ITGA9: variants seen among roughly 807,000 people sequenced by gnomAD.
ITGA9 encodes integrin alpha-9.
A neutral mutation model predicts 127.8 loss-of-function variants in ITGA9; 56 were observed. That is an observed-to-expected ratio of 0.44 (90% confidence interval 0.35 to 0.55). The LOEUF (loss-of-function observed/expected upper bound fraction) is 0.55. Ranked by LOEUF, ITGA9 falls within the 20% of genes least tolerant of loss-of-function variation. The pLI, the probability that ITGA9 is intolerant of heterozygous loss-of-function variation, is 0.00. For missense variants in ITGA9, 1,196 were observed against 1,347.1 expected, an observed-to-expected ratio of 0.89 and a Z score of 1.76; for synonymous variants, 508 against 514.5, an observed-to-expected ratio of 0.99 and a Z score of 0.17.
At position 37,753,059 on chromosome 3, in the gene ITGA9, C is replaced by T. The variant is rs181714975; in HGVS notation, c.2541+2490C>T. Among the ~76,000 whole-genome samples the T allele has an allele frequency of 2.7e-4, 41 of 152,296 alleles. 1 individual carries two copies. Among genetic ancestry groups the T allele is most frequent in the Middle Eastern group, 6.8e-3 (2 of 294 alleles). On this transcript the variant is annotated intron_variant, in intron 23 of 27. Transcript: ENST00000264741. ...GGGGGTTGTGTGGACCCTACTCTGACTTCCCACAGCACAGAAAAAAAAGGA... is the reference window on the plus strand; with the variant it reads ...GGGGGTTGTGTGGACCCTACTCTGATTTCCCACAGCACAGAAAAAAAAGGA...
chr3:37,640,218 G>T (rs951835680), intron 16 of ITGA9, among the ~76,000 whole-genome samples: 1 of 152,180 alleles, frequency 6.6e-6, no homozygotes, highest in Non-Finnish European at 1.5e-5. Context: ...GAGGAGCCTG[G>T]ATTTTCCAGG....
At chr3:37,717,040 C>T (rs1289623637) in intron 18 of ITGA9, among the ~76,000 whole-genome samples, 1 of 152,198 alleles carries the variant, frequency 6.6e-6, no homozygotes, top group Non-Finnish European at 1.5e-5. Flanking sequence ...AAGAGACAGC[C>T]TGTGTGCTCC....
chr3:37,673,743 C>T (rs1700658030), intron 17 of ITGA9, among the ~76,000 whole-genome samples: 1 of 152,220 alleles, frequency 6.6e-6, no homozygotes, highest in African/African-American at 2.4e-5. Flanking sequence ...TGGACTCTGA[C>T]TAATACATAG....
chr3:37,517,976 T>C (rs146311070), intron 10 of ITGA9, among the ~76,000 whole-genome samples: 1 of 152,326 alleles, frequency 6.6e-6, no homozygotes, highest in East Asian at 1.9e-4. Flanking sequence ...TTCTGAGCCT[T>C]TGATGCTCCA....
At chr3:37,542,363 G>A in intron 14 of ITGA9, 62 bp from the exon 15 acceptor site, 2 of 1,555,958 alleles carry the variant, frequency 1.3e-6, no homozygotes, top group Non-Finnish European at 1.8e-6. Flanking sequence ...ACAAGGAAAA[G>A]AGGTGGCCTC....
chr3:37,654,178 G>A (rs964358246), intron 17 of ITGA9, among the ~76,000 whole-genome samples: 33 of 140,566 alleles, frequency 2.3e-4, no homozygotes, highest in African/African-American at 8.7e-4. Context: ...AAAGGTTTAT[G>A]CCCTCCTGCC....
intron 15 of ITGA9, among the ~76,000 whole-genome samples, chr3:37,616,910 C>G (rs2125629082): frequency 6.6e-6 from 1 of 152,332 alleles, no homozygotes. Context: ...GGTCTTGACT[C>G]TTTATCCAAT....
At chr3:37,548,460 CTCAA>C (rs1180176224) in intron 15 of ITGA9, among the ~76,000 whole-genome samples, 20 of 152,178 alleles carry the variant, frequency 1.3e-4, no homozygotes, top group Non-Finnish European at 2.2e-4. Flanking sequence ...TAAATTATAT[CTCAA>C]TCAAACTTAT....
chr3:37,529,778 C>T (rs762941942), intron 13 of ITGA9, among the ~76,000 whole-genome samples: 6 of 152,152 alleles, frequency 3.9e-5, no homozygotes, highest in Non-Finnish European at 7.3e-5. Flanking sequence ...GGATGGGAGG[C>T]TGCTCCAGAG....
At chr3:37,719,324 G>A (rs1280938044) in intron 18 of ITGA9, among the ~76,000 whole-genome samples, 1 of 152,192 alleles carries the variant, frequency 6.6e-6, no homozygotes, top group Non-Finnish European at 1.5e-5. Flanking sequence ...GTAAGCTGCT[G>A]CCCCCTGAGA....
At chr3:37,781,007 G>A (rs1696970296) in intron 25 of ITGA9, among the ~76,000 whole-genome samples, 1 of 152,224 alleles carries the variant, frequency 6.6e-6, no homozygotes, top group African/African-American at 2.4e-5. Flanking sequence ...TCACCTGAGA[G>A]TTTCTTAGAA....
intron 16 of ITGA9, among the ~76,000 whole-genome samples, chr3:37,633,410 C>T (rs1575174721): frequency 1.3e-5 from 2 of 152,224 alleles, no homozygotes; most frequent in East Asian, 3.9e-4. Flanking sequence ...GCCTAGCCTA[C>T]CTTAAATGTG....
chr3:37,728,673 C>T (rs1253803712), intron 18 of ITGA9, among the ~76,000 whole-genome samples: 2 of 151,958 alleles, frequency 1.3e-5, no homozygotes, highest in African/African-American at 2.4e-5. Context: ...ATCATAAACA[C>T]GTGAGCTTTC....
intron 23 of ITGA9, among the ~76,000 whole-genome samples, chr3:37,772,156 A>C (rs1696852383): frequency 6.6e-6 from 1 of 151,976 alleles, no homozygotes; most frequent in African/African-American, 2.4e-5. Context: ...CTGTAATCTC[A>C]ACACTTTGGG....
chr3:37,724,037 CT>C (rs1701219634), intron 18 of ITGA9, among the ~76,000 whole-genome samples: 1 of 152,190 alleles, frequency 6.6e-6, no homozygotes, highest in African/African-American at 2.4e-5. Flanking sequence ...GATGGAAGTT[CT>C]TCACAGCTGG....
At chr3:37,562,952 GA>G (rs1699508628) in intron 15 of ITGA9, among the ~76,000 whole-genome samples, 2 of 127,046 alleles carry the variant, frequency 1.6e-5, no homozygotes, top group Non-Finnish European at 3.5e-5. Flanking sequence ...AAACCATAAA[GA>G]ACTCAGAAAA....
intron 18 of ITGA9, among the ~76,000 whole-genome samples, chr3:37,721,762 C>A (rs565136305): frequency 6.6e-6 from 1 of 152,286 alleles, no homozygotes; most frequent in Non-Finnish European, 1.5e-5. Flanking sequence ...CTGTGTGCTC[C>A]AGTTCCTTAA....
chr3:37,693,504 G>A (rs1334338025), intron 18 of ITGA9, among the ~76,000 whole-genome samples: 3 of 152,126 alleles, frequency 2.0e-5, no homozygotes, highest in Admixed American at 1.3e-4. Context: ...CACAGAAAGG[G>A]TGGTCCCTTT....
intron 16 of ITGA9, among the ~76,000 whole-genome samples, chr3:37,636,191 C>T (rs1249861980): frequency 6.6e-6 from 1 of 152,124 alleles, no homozygotes; most frequent in Non-Finnish European, 1.5e-5. Context: ...GTTCTAGATC[C>T]CTGAGGAATC....
Sources: allele counts gnomAD v4.1 joint callset (sites outside exome capture counted in the v4.1 genomes callset), GRCh38; gene constraint gnomAD v4.1.1; transcripts MANE v1.5; gene names NCBI Gene and HGNC (gene_info 2026-07-23, HGNC 2026-07-21).